Variants in CRTC1 observed in about 807,000 individuals in gnomAD.
CRTC1 encodes CREB-regulated transcription coactivator 1.
In CRTC1, 18 loss-of-function variants were observed where a neutral mutation model predicts 66.1. The observed-to-expected ratio is 0.27, with a 90% CI of 0.19 to 0.40. CRTC1 has a LOEUF of 0.40. Among genes scored for constraint, CRTC1 ranks in the 10% least tolerant of loss-of-function variants. CRTC1 has a pLI of 1.00. For synonymous variants in CRTC1, 416 were observed against 398.8 expected, an observed-to-expected ratio of 1.04 and a Z score of -0.51; for missense variants, 669 against 887.9, an observed-to-expected ratio of 0.75 and a Z score of 3.13.
chr19:18,738,773 T>G (rs1320055452), intron 1 of CRTC1, among the ~76,000 whole-genome samples: 1 of 152,150 alleles, frequency 6.6e-6, no homozygotes, highest in African/African-American at 2.4e-5. Flanking sequence ...ACACTCCAGC[T>G]TGGGCAACAA....
Position 18,774,900 on chromosome 19 carries a change from C to T in CRTC1, c.1426C>T (p.His476Tyr). 6.2e-7 allele frequency: 1 copy of T among 1,610,828 alleles called. No individual in the cohort carries two copies. The highest frequency in any genetic ancestry group is 1.3e-5 in the African/African-American group (1 of 75,078). Residue 476 changes from histidine (H) to tyrosine (Y), a missense_variant and splice_region_variant, in exon 12 of 14, where the codon CAC (histidine) becomes TAC (tyrosine). Transcript: ENST00000321949. ...QGFSPGSSPQHTSTLGSVFGD... is the reference protein window; with the variant it reads ...QGFSPGSSPQYTSTLGSVFGD... ...CAGCAGGCCTCTCTTCTGTCTGCAG[C>T]ACACTTCCACCCTGGGCAGCGTGTT...
chr19:18,709,058 G>T (rs1263103347), intron 1 of CRTC1, among the ~76,000 whole-genome samples: 1 of 152,198 alleles, frequency 6.6e-6, no homozygotes, highest in Non-Finnish European at 1.5e-5. Flanking sequence ...AGCCCGCATG[G>T]TGCTCGGAGG....
At chr19:18,731,734 CTTAT>C (rs926885867) in intron 1 of CRTC1, among the ~76,000 whole-genome samples, 29 of 152,170 alleles carry the variant, frequency 1.9e-4, no homozygotes, top group African/African-American at 6.8e-4. Flanking sequence ...AGGCACGTTG[CTTAT>C]CTTCGGGAGA....
intron 6 of CRTC1, among the ~76,000 whole-genome samples, chr19:18,755,671 G>A (rs1189360130): frequency 6.9e-6 from 1 of 144,400 alleles, no homozygotes; most frequent in Non-Finnish European, 1.5e-5. Flanking sequence ...GGCGCAATCT[G>A]GGCTCACTGC....
At chr19:18,737,434 A>C (rs981085615) in intron 1 of CRTC1, among the ~76,000 whole-genome samples, 1 of 152,064 alleles carries the variant, frequency 6.6e-6, no homozygotes, top group Non-Finnish European at 1.5e-5. Flanking sequence ...CACTTGTCCC[A>C]GGAGGGGCCA....
chr19:18,687,772 G>C (rs534720515), intron 1 of CRTC1, among the ~76,000 whole-genome samples: 14 of 152,150 alleles, frequency 9.2e-5, no homozygotes, highest in Non-Finnish European at 1.8e-4. Flanking sequence ...CAGATGTTTG[G>C]CTAGAAGACA....
At chr19:18,759,500 G>A (rs765772560) in intron 6 of CRTC1, 51 bp from the exon 7 acceptor site, 75 of 1,591,740 alleles carry the variant, frequency 4.7e-5, no homozygotes, top group Non-Finnish European at 6.2e-5. Context: ...CCAGGAGGAG[G>A]GCCCCACAGG....
At chr19:18,772,824 G>A (rs1023629551) in intron 11 of CRTC1, among the ~76,000 whole-genome samples, 16 of 152,172 alleles carry the variant, frequency 1.1e-4, no homozygotes, top group Non-Finnish European at 2.4e-4. Context: ...GAGCTCTCGG[G>A]CTCTGGCAGC....
chr19:18,729,449 AAG>A (rs1389997517), intron 1 of CRTC1, among the ~76,000 whole-genome samples: 3 of 150,842 alleles, frequency 2.0e-5, no homozygotes, highest in Non-Finnish European at 4.4e-5. Flanking sequence ...GAAAAAAAAA[AAG>A]AAGTTGGTTC....
rs936373661 is a variant in CRTC1 at position 18,766,240 on chromosome 19, C to T, written c.1011+712C>T. On this transcript the variant is annotated intron_variant, in intron 9 of 13. Coordinates refer to ENST00000321949, the MANE Select transcript of CRTC1 (RefSeq NM_015321.3). Reference sequence around the variant, plus strand: ...GGTTCAAGCCATTCACCTGCCTCAGCCTTCCAAGTAGCTGGGACTACAGGC... The same window carrying T: ...GGTTCAAGCCATTCACCTGCCTCAGTCTTCCAAGTAGCTGGGACTACAGGC... Among the ~76,000 whole-genome samples the T allele has an allele frequency of 1.7e-4, 25 of 150,544 alleles. 1 individual carries two copies. Among genetic ancestry groups the T allele is most frequent in the Non-Finnish European group, 2.9e-5 (2 of 67,824 alleles).
chr19:18,721,426 C>G lies in CRTC1; in HGVS notation c.127-21484C>G, dbSNP rs528734063. On this transcript the variant is annotated intron_variant, in intron 1 of 13. Transcript: ENST00000321949. Reference sequence around the variant, plus strand: ...GCCAGGATGGTCTCGATTTCCTGACCTTGTGATCCACCCACCTTGGCCTCC... The same window carrying G: ...GCCAGGATGGTCTCGATTTCCTGACGTTGTGATCCACCCACCTTGGCCTCC... Among the ~76,000 whole-genome samples, 12 of 151,464 alleles carry G rather than the reference C, an allele frequency of 7.9e-5. No individual in the cohort carries two copies. In the East Asian group the frequency reaches 2.3e-3, roughly 30 times the overall value.
At chr19:18,739,254 G>T (rs1038726989) in intron 1 of CRTC1, among the ~76,000 whole-genome samples, 6 of 152,250 alleles carry the variant, frequency 3.9e-5, no homozygotes, top group African/African-American at 1.4e-4. Flanking sequence ...TCAGCCCCGA[G>T]CCTCTGTGTA....
chr19:18,777,517 G>A lies in CRTC1; in HGVS notation c.*135G>A. The A allele has an allele frequency of 1.2e-6, 1 of 836,796 alleles. No homozygotes were observed. The highest frequency in any genetic ancestry group is 1.9e-6 in the Non-Finnish European group (1 of 522,616). The allele number at this position is 836,796 out of a possible 1,614,324, so 51.8% of individuals were successfully genotyped here. Reference sequence around the variant, plus strand: ...CAATGCCGCCAAGCGCCCCCCGCCAGCCCGCCCCCGGTTGTCCACCTCCCG... The same window carrying A: ...CAATGCCGCCAAGCGCCCCCCGCCAACCCGCCCCCGGTTGTCCACCTCCCG... On this transcript the variant is annotated 3_prime_UTR_variant, in exon 14 of 14. Transcript: ENST00000321949. The surrounding 1 kb of genome is among the most constrained non-coding windows in gnomAD (Gnocchi z 5.5).
chr19:18,732,574 T>TA (rs1473126527), intron 1 of CRTC1, among the ~76,000 whole-genome samples: 1 of 152,068 alleles, frequency 6.6e-6, no homozygotes, highest in African/African-American at 2.4e-5. Context: ...ATGCAGGGAT[T>TA]GGGGGTCTGG....
chr19:18,777,831 C>A lies in CRTC1; in HGVS notation c.*449C>A. On this transcript the variant is annotated 3_prime_UTR_variant, in exon 14 of 14. Transcript: ENST00000321949. The surrounding 1 kb of genome is among the most constrained non-coding windows in gnomAD (Gnocchi z 5.5). ...CTCACTGCCTTCCTTGGTTCCCGGT[C>A]CCCCAGCCCATCCGCCATCCCCAGC... The A allele has an allele frequency of 3.4e-6, 1 of 292,078 alleles. No homozygotes were observed. The highest frequency in any genetic ancestry group is 6.1e-5 in the South Asian group (1 of 16,334). 18.1% of individuals were successfully genotyped at this position (292,078 alleles called of 1,614,324 possible).
At chr19:18,751,227 G>A (rs1168234780) in intron 5 of CRTC1, among the ~76,000 whole-genome samples, 1 of 152,160 alleles carries the variant, frequency 6.6e-6, no homozygotes, top group Non-Finnish European at 1.5e-5. Context: ...CAGGCATAAA[G>A]AAAATGGGGA....
chr19:18,700,808 A>C (rs1292388971), intron 1 of CRTC1, among the ~76,000 whole-genome samples: 1 of 152,154 alleles, frequency 6.6e-6, no homozygotes, highest in Non-Finnish European at 1.5e-5. Context: ...TCTGGGCTGC[A>C]GGGGTCTGCA....
chr19:18,768,618 C>T lies in CRTC1; in HGVS notation c.1145C>T (p.Pro382Leu). 1 of 1,499,158 alleles carries T rather than the reference C, an allele frequency of 6.7e-7. No individual in the cohort carries two copies. The highest frequency in any genetic ancestry group is 1.4e-5 in the African/African-American group (1 of 71,972). The allele number at this position is 1,499,158 out of a possible 1,614,324, so 92.9% of individuals were successfully genotyped here. The part of the protein sequence containing the change: ...PPPPASQQPP[P>L]PPPPQAPVRL... ...CCACCCGCGTCCCAGCAGCCACCAC[C>T]CCCGCCACCCCCACAGGCGCCCGTC... Residue 382 changes from proline (P) to leucine (L), a missense_variant, in exon 10 of 14, where the codon CCC becomes CTC. By Grantham distance (98) the Pro-to-Leu change is moderately conservative. Around this residue, in one of 8 missense-constraint regions of CRTC1, gnomAD observed 241 missense variants for 242.2 expected, o/e 0.99. Transcript: ENST00000321949. The surrounding 1 kb of genome is among the most constrained non-coding windows in gnomAD (Gnocchi z 5.6).
chr19:18,736,194 G>A (rs755935000), intron 1 of CRTC1, among the ~76,000 whole-genome samples: 6 of 152,184 alleles, frequency 3.9e-5, no homozygotes, highest in Non-Finnish European at 8.8e-5. Context: ...TGGGACGCTT[G>A]GAGATCCCTC....
Sources: gnomAD v4.1 joint callset for allele counts (sites outside exome capture counted in the v4.1 genomes callset) on GRCh38, gnomAD v4.1.1 for gene constraint, gnomAD v4.1.1 regional missense constraint, Gnocchi (gnomAD v3.1) non-coding constraint, MANE v1.5 for transcripts, NCBI Gene and HGNC (gene_info 2026-07-23, HGNC 2026-07-21) for gene names.